ZNF407: variants seen among roughly 807,000 people sequenced by gnomAD.
The protein encoded by ZNF407 is zinc finger protein 407.
Under a neutral mutation model 131.2 loss-of-function variants are expected in ZNF407, and 17 were observed. The observed-to-expected ratio is 0.13, with a 90% confidence interval of 0.09 to 0.19. ZNF407 has a LOEUF of 0.19. Ranked by LOEUF, ZNF407 falls within the 10% of genes least tolerant of loss-of-function variation. The pLI, the probability that ZNF407 is intolerant of heterozygous loss-of-function variation, is 1.00. For synonymous variants in ZNF407, 1,156 were observed against 1,062.0 expected (o/e 1.09, Z -1.72); for missense variants, 2,681 against 2,830.6 (o/e 0.95, Z 1.20).
intron 3 of ZNF407, among the ~76,000 whole-genome samples, chr18:74,718,213 C>A (rs7233356): frequency 1.3e-3 from 202 of 151,708 alleles, no homozygotes; most frequent in African/African-American, 4.6e-3. Flanking sequence ...CAGCCCCCCC[C>A]CTCCCCTTCC....
intron 7 of ZNF407, among the ~76,000 whole-genome samples, chr18:74,916,459 T>G (rs1395564599): frequency 7.2e-6 from 1 of 138,200 alleles, no homozygotes; most frequent in Non-Finnish European, 1.5e-5. Context: ...TGAGGTTGTG[T>G]GCAGCATTGG....
chr18:75,061,972 A>G (rs1163566192), intron 8 of ZNF407: 1 of 152,278 alleles, frequency 6.6e-6, no homozygotes, highest in Admixed American at 6.5e-5. Context: ...TTCCTGCTAA[A>G]AACATTCAGC....
intron 4 of ZNF407, among the ~76,000 whole-genome samples, chr18:74,814,957 C>T (rs941477338): frequency 1.3e-5 from 2 of 150,318 alleles, no homozygotes; most frequent in Non-Finnish European, 2.9e-5. Context: ...ATTAATCAGA[C>T]TTTTATTTCA....
intron 4 of ZNF407, among the ~76,000 whole-genome samples, chr18:74,842,655 A>G (rs1190699615): frequency 6.6e-6 from 1 of 151,198 alleles, no homozygotes; most frequent in South Asian, 2.1e-4. Context: ...TGACCTGTTG[A>G]GTGTGTCATT....
At chr18:75,039,870 T>G (rs1181406683) in intron 8 of ZNF407, among the ~76,000 whole-genome samples, 1 of 152,096 alleles carries the variant, frequency 6.6e-6, no homozygotes. Flanking sequence ...TAGAGAATTT[T>G]TTTTTTTGGT....
At chr18:74,727,748 G>C (rs537068698) in intron 3 of ZNF407, among the ~76,000 whole-genome samples, 63 of 152,226 alleles carry the variant, frequency 4.1e-4, no homozygotes, top group Non-Finnish European at 8.4e-4. Flanking sequence ...AAGGAGTTTA[G>C]GATTCATCCT....
intron 8 of ZNF407, among the ~76,000 whole-genome samples, chr18:75,031,941 C>A (rs953943135): frequency 3.3e-5 from 5 of 152,132 alleles, no homozygotes; most frequent in Non-Finnish European, 5.9e-5. Context: ...AAACATGTTA[C>A]CCTTGGCAAA....
chr18:75,038,968 G>A (rs1319612320), intron 8 of ZNF407, among the ~76,000 whole-genome samples: 8 of 152,220 alleles, frequency 5.3e-5, no homozygotes, highest in Admixed American at 3.3e-4. Context: ...ATCAGAAACT[G>A]TTCCTAATAG....
At chr18:74,641,220 A>G (rs1984700608) in intron 3 of ZNF407, 98 bp downstream of exon 3, 1 of 840,240 alleles carries the variant, frequency 1.2e-6, no homozygotes, top group African/African-American at 1.7e-5. Flanking sequence ...AAGAGTGGCT[A>G]AAATTATGCA....
rs1330178496 is a variant in ZNF407 at position 74,820,440 on chromosome 18, A to G, written c.4877+38938A>G. On this transcript the variant is annotated intron_variant, in intron 4 of 8. Transcript: ENST00000299687. ...ATCTCCACCTGGAGGGAGTCAGACC[A>G]CCTATTGTGGATGGCTCTCAGGGCC... Among the ~76,000 whole-genome samples the G allele has an allele frequency of 2.0e-5, 3 of 152,270 alleles. No homozygotes were observed. The East Asian group carries it at 5.8e-4, about 29-fold the overall frequency.
intron 1 of ZNF407, among the ~76,000 whole-genome samples, chr18:74,627,138 C>T (rs969215211): frequency 6.6e-6 from 1 of 152,186 alleles, no homozygotes; most frequent in African/African-American, 2.4e-5. Flanking sequence ...ACTGTTGCTT[C>T]GTAGGTTTCA....
At chr18:74,700,454 CA>C (rs1198081510) in intron 3 of ZNF407, among the ~76,000 whole-genome samples, 3 of 152,198 alleles carry the variant, frequency 2.0e-5, no homozygotes, top group Non-Finnish European at 4.4e-5. Flanking sequence ...GATGTCACTG[CA>C]TGGTGATGCC....
chr18:74,974,566 A>C (rs1972507669), intron 8 of ZNF407, among the ~76,000 whole-genome samples: 1 of 152,232 alleles, frequency 6.6e-6, no homozygotes. Context: ...TGGAATTTAC[A>C]GAAGCTATAT....
chr18:74,943,636 A>G (rs1972124497), intron 8 of ZNF407, among the ~76,000 whole-genome samples: 1 of 152,242 alleles, frequency 6.6e-6, no homozygotes, highest in East Asian at 1.9e-4. Context: ...ATTTTGTCAC[A>G]GCTGCAAAGC....
intron 1 of ZNF407, among the ~76,000 whole-genome samples, chr18:74,606,521 G>A (rs7505587): frequency 0.18 from 27,084 of 152,050 alleles, 2,502 homozygotes; most frequent in African/African-American, 0.23. Context: ...GGGATTATAG[G>A]TGTGAGCCAC....
chr18:74,960,941 G>A (rs62089923), intron 8 of ZNF407, among the ~76,000 whole-genome samples: 1 of 146,902 alleles, frequency 6.8e-6, no homozygotes, highest in African/African-American at 2.5e-5. Context: ...GGTCCTGAGT[G>A]AGGACTGGGT....
At chr18:75,038,498 G>T (rs1171324862) in intron 8 of ZNF407, among the ~76,000 whole-genome samples, 1 of 152,140 alleles carries the variant, frequency 6.6e-6, no homozygotes, top group Non-Finnish European at 1.5e-5. Context: ...ACCTGACATT[G>T]TTCATAAGGG....
intron 7 of ZNF407, among the ~76,000 whole-genome samples, chr18:74,915,313 G>T (rs920233697): frequency 6.7e-6 from 1 of 149,364 alleles, no homozygotes; most frequent in East Asian, 2.0e-4. Flanking sequence ...AAGAGTGTTC[G>T]AATCGGGAGT....
intron 8 of ZNF407, among the ~76,000 whole-genome samples, chr18:75,049,535 C>T (rs1453549068): frequency 6.6e-6 from 1 of 152,146 alleles, no homozygotes; most frequent in Non-Finnish European, 1.5e-5. Flanking sequence ...GTCCTCTTTG[C>T]AGCATCTCCA....
Sources: gnomAD v4.1 joint callset for allele counts (sites outside exome capture counted in the v4.1 genomes callset) on GRCh38, gnomAD v4.1.1 for gene constraint, MANE v1.5 for transcripts, NCBI Gene and HGNC (gene_info 2026-07-23, HGNC 2026-07-21) for gene names.